The following PAK3 variants were observed in gnomAD, a reference collection of about 807,000 sequenced individuals.
The protein encoded by PAK3 is p21 (RAC1) activated kinase 3, also known as serine/threonine-protein kinase PAK 3.
A neutral mutation model predicts 41.0 loss-of-function variants in PAK3; 4 were observed. The ratio of observed to expected loss-of-function variants is 0.10; its 90% confidence interval spans 0.05 to 0.22. The LOEUF is 0.22. Ranked by LOEUF, PAK3 falls within the 10% of genes least tolerant of loss-of-function variation. The pLI, the probability that PAK3 is intolerant of heterozygous loss-of-function variation, is 1.00. For synonymous variants in PAK3, 146 were observed against 139.6 expected (o/e 1.05, Z -0.32); for missense variants, 205 against 409.9 (o/e 0.50, Z 4.32).
chrX:111,043,492 T>A (rs940846431), intron 1 of PAK3, among the ~76,000 whole-genome samples: 1 of 111,473 alleles, frequency 9.0e-6, no homozygotes, highest in Non-Finnish European at 1.9e-5. Flanking sequence ...TGCTGTTTGC[T>A]CTTTCTTTAG....
At chrX:111,012,735 G>A (rs944219259) in intron 1 of PAK3, among the ~76,000 whole-genome samples, 6 of 112,221 alleles carry the variant, frequency 5.3e-5, no homozygotes, top group Non-Finnish European at 1.1e-4. Context: ...GGGGTTCACT[G>A]TAAAATTATT....
chrX:111,160,614 CG>C (rs1472436785), intron 8 of PAK3, among the ~76,000 whole-genome samples: 7 of 107,805 alleles, frequency 6.5e-5, no homozygotes, highest in East Asian at 2.9e-4. Context: ...TATCCCTCCC[CG>C]CTCCCCCCAC....
At chrX:111,157,418 C>G (rs920859791) in intron 8 of PAK3, among the ~76,000 whole-genome samples, 1 of 111,500 alleles carries the variant, frequency 9.0e-6, no homozygotes, top group African/African-American at 3.3e-5. Context: ...TGAAGTTATA[C>G]ATAAGAGCAT....
intron 1 of PAK3, among the ~76,000 whole-genome samples, chrX:110,958,294 C>T (rs181442041): frequency 6.4e-4 from 71 of 111,492 alleles, no homozygotes; most frequent in African/African-American, 2.2e-3. Context: ...CAGATGGAAG[C>T]CAATGAAGTA....
chrX:111,152,807 A>G (rs2094048986), intron 8 of PAK3: 2 of 135,089 alleles, frequency 1.5e-5, no homozygotes, highest in South Asian at 4.8e-4. Flanking sequence ...ATGAAATAAT[A>G]CAGCGTGTGA....
chrX:111,106,651 G>T (rs748447827), intron 4 of PAK3, among the ~76,000 whole-genome samples: 1 of 111,220 alleles, frequency 9.0e-6, no homozygotes, highest in South Asian at 3.8e-4. Context: ...CATCCCAATA[G>T]CCCTGCATTT....
At position 111,074,057 on chromosome X, in the gene PAK3, AC is replaced by A. The variant is rs752393663; in HGVS notation, c.-27-49019del. Among the ~76,000 whole-genome samples, 275 of 112,549 alleles carry A rather than the reference AC, an allele frequency of 2.4e-3. 1 individual carries two copies. Among genetic ancestry groups the A allele is most frequent in the African/African-American group, 8.1e-3 (251 of 31,010 alleles). ...GGGGTGCTAGAATAGTTTTACATAC[AC>A]AAATTAATAAATGTGATGCACCAAT... On this transcript the variant is annotated intron_variant, in intron 1 of 14. Coordinates refer to the PAK3 transcript ENST00000425146.
At chrX:111,070,425 T>C (rs1569300124) in intron 1 of PAK3, among the ~76,000 whole-genome samples, 2 of 112,041 alleles carry the variant, frequency 1.8e-5, no homozygotes, top group Non-Finnish European at 3.8e-5. Context: ...AGAGACATGA[T>C]ACCTTTCTAA....
At chrX:111,043,053 G>T (rs1011237871) in intron 1 of PAK3, among the ~76,000 whole-genome samples, 1 of 111,307 alleles carries the variant, frequency 9.0e-6, no homozygotes, top group Non-Finnish European at 1.9e-5. Context: ...CTTTTGTGAG[G>T]CTGAGGAGGG....
At chrX:111,163,246 A>G (rs2094212597) in intron 9 of PAK3, among the ~76,000 whole-genome samples, 200 bp downstream of exon 9, 1 of 111,714 alleles carries the variant, frequency 9.0e-6, no homozygotes, top group Non-Finnish European at 1.9e-5. Context: ...GAATAATACC[A>G]AACAATACAT....
chrX:111,046,770 G>C (rs1313922419), intron 1 of PAK3, among the ~76,000 whole-genome samples: 2 of 112,152 alleles, frequency 1.8e-5, no homozygotes, highest in South Asian at 7.5e-4. Context: ...CATGATAAAT[G>C]CTGCATAAGA....
chrX:111,036,899 A>G (rs1454030416), intron 1 of PAK3, among the ~76,000 whole-genome samples: 1 of 111,662 alleles, frequency 9.0e-6, no homozygotes, highest in Non-Finnish European at 1.9e-5. Flanking sequence ...TCCTTTAGAT[A>G]TTGTTTGAAT....
chrX:111,176,340 T>TG (rs2094403920), intron 11 of PAK3, among the ~76,000 whole-genome samples: 1 of 108,074 alleles, frequency 9.3e-6, no homozygotes, highest in African/African-American at 3.4e-5. Flanking sequence ...AGAAGGGGAA[T>TG]GGGGGGCGAA....
At chrX:110,948,906 G>T (rs1470053704) in intron 1 of PAK3, among the ~76,000 whole-genome samples, 3 of 112,312 alleles carry the variant, frequency 2.7e-5, no homozygotes, top group African/African-American at 9.7e-5. Flanking sequence ...ACATAGTGGA[G>T]ATGCTTGTTC....
At chrX:111,073,715 A>G (rs910125218) in intron 1 of PAK3, among the ~76,000 whole-genome samples, 2 of 111,960 alleles carry the variant, frequency 1.8e-5, no homozygotes, top group African/African-American at 6.5e-5. Flanking sequence ...TAAGAAATAA[A>G]TAGTCCCACA....
Position 111,224,409 on chromosome X carries a change from GA to G in PAK3, c.*3964del, listed in dbSNP as rs1275216805. On this transcript the variant is annotated 3_prime_UTR_variant, in exon 18 of 18. Coordinates refer to ENST00000372007, the MANE Select transcript of PAK3 (RefSeq NM_002578.5). Reference sequence around the variant, plus strand: ...TCTCAGGTTGAATTTTGGAGGACTAGAAGGATAAAATCCCCAGCTCCCACCA... The same window carrying G: ...TCTCAGGTTGAATTTTGGAGGACTAGAGGATAAAATCCCCAGCTCCCACCA... 1 of 111,732 alleles carries G rather than the reference GA, an allele frequency of 8.9e-6. No homozygotes were observed. Among genetic ancestry groups the G allele is most frequent in the Non-Finnish European group, 1.9e-5 (1 of 53,187 alleles). The allele number at this position is 111,732 out of a possible 1,213,427, so 9.2% of individuals were successfully genotyped here.
At chrX:111,078,271 G>GTT (rs780552414) in intron 1 of PAK3, among the ~76,000 whole-genome samples, 1 of 94,654 alleles carries the variant, frequency 1.1e-5, no homozygotes, top group Admixed American at 1.1e-4. Context: ...GTTTTGTTTT[G>GTT]TTTTTTTTTT....
chrX:111,086,065 G>A (rs2092879501), intron 1 of PAK3, among the ~76,000 whole-genome samples: 1 of 100,519 alleles, frequency 9.9e-6, no homozygotes, highest in African/African-American at 3.8e-5. Flanking sequence ...GTCAGCTTGT[G>A]TGTGTGTGTG....
chrX:111,220,674 G>A lies in PAK3; in HGVS notation c.*227G>A, dbSNP rs935223437. 7.3e-6 allele frequency: 3 copies of A among 412,911 alleles called. No individual in the cohort carries two copies. Among genetic ancestry groups the A allele is most frequent in the Non-Finnish European group, 8.4e-6 (2 of 237,273 alleles). 34.0% of individuals were successfully genotyped at this position (412,911 alleles called of 1,213,427 possible). ...GCAGCAATGTTGAAGTGACCATAAA[G>A]TGGTCACTTCCACCGTGAAGCGAAA... On this transcript the variant is annotated 3_prime_UTR_variant, in exon 18 of 18. Transcript: ENST00000372007.
Sources: gnomAD v4.1 joint callset for allele counts (sites outside exome capture counted in the v4.1 genomes callset) on GRCh38, gnomAD v4.1.1 for gene constraint, MANE v1.5 for transcripts, NCBI Gene and HGNC (gene_info 2026-07-23, HGNC 2026-07-21) for gene names.